Variants in DYM observed in about 807,000 individuals in gnomAD.
DYM encodes dyggve-Melchior-Clausen syndrome protein.
DYM carries 78 observed loss-of-function variants against 93.1 expected under a neutral mutation model. The ratio of observed to expected loss-of-function variants is 0.84; its 90% CI spans 0.70 to 1.01. The LOEUF (loss-of-function observed/expected upper bound fraction) is 1.01. Ranked by LOEUF, DYM falls within the 50% of genes least tolerant of loss-of-function variation. The pLI is 0.00. For synonymous variants in DYM, 321 were observed against 319.7 expected (o/e 1.00, Z -0.04); for missense variants, 789 against 845.0 (o/e 0.93, Z 0.82).
rs1452407748 is a variant in DYM at position 49,041,413 on chromosome 18, C to T, written c.*2642G>A. 6.6e-6 allele frequency: 1 copy of T among 152,212 alleles called. No homozygotes were observed. The highest frequency in any genetic ancestry group is 2.4e-5 in the African/African-American group (1 of 41,456). 9.4% of individuals were successfully genotyped at this position (152,212 alleles called of 1,614,324 possible). ...GATGATCCTGTGTTGCATCATTACA[C>T]ATTTTTACTTCGTGTAAAAATTTCT... On this transcript the variant is annotated 3_prime_UTR_variant, in exon 18 of 18. Transcript: ENST00000675505.
intron 14 of DYM, among the ~76,000 whole-genome samples, chr18:49,184,120 A>G (rs571628608): frequency 3.3e-4 from 51 of 152,330 alleles, no homozygotes; most frequent in African/African-American, 1.1e-3. Context: ...ACTAATATAC[A>G]TAGGGATGTG....
At position 49,344,469 on chromosome 18, in the gene DYM, C is replaced by T. The variant is rs927056809; in HGVS notation, c.495-10616G>A. 4.0e-5 allele frequency among the ~76,000 whole-genome samples: 6 copies of T among 151,850 alleles called. 1 individual carries two copies. Among genetic ancestry groups the T allele is most frequent in the Non-Finnish European group, 5.9e-5 (4 of 67,978 alleles). ...TCACATGTCAACACACCACTTAATA[C>T]GAATAAAAATACAAGATTTAGAGAA... On this transcript the variant is annotated intron_variant, in intron 6 of 17. Coordinates refer to ENST00000675505, the MANE Select transcript of DYM (RefSeq NM_001353214.3).
At chr18:49,288,337 T>G (rs1449800187) in intron 8 of DYM, among the ~76,000 whole-genome samples, 1 of 152,058 alleles carries the variant, frequency 6.6e-6, no homozygotes, top group African/African-American at 2.4e-5. Context: ...CCAATCAAAA[T>G]AGCAACAAAT....
chr18:49,095,077 T>G (rs1418209776), intron 17 of DYM, among the ~76,000 whole-genome samples: 1 of 152,216 alleles, frequency 6.6e-6, no homozygotes, highest in African/African-American at 2.4e-5. Flanking sequence ...TATGAAACTA[T>G]TATTACACAC....
chr18:49,151,141 T>A (rs1158109207), intron 15 of DYM, among the ~76,000 whole-genome samples: 1 of 152,182 alleles, frequency 6.6e-6, no homozygotes, highest in East Asian at 1.9e-4. Flanking sequence ...CATGAATAAA[T>A]TAAGAAACAA....
At chr18:49,349,140 G>A (rs553837949) in intron 6 of DYM, among the ~76,000 whole-genome samples, 13 of 152,182 alleles carry the variant, frequency 8.5e-5, no homozygotes, top group South Asian at 4.1e-4. Context: ...CCTGGGAGGC[G>A]GAGGTTGCAG....
At chr18:49,350,004 A>C (rs770171510) in intron 6 of DYM, among the ~76,000 whole-genome samples, 3 of 152,176 alleles carry the variant, frequency 2.0e-5, no homozygotes, top group Non-Finnish European at 2.9e-5. Flanking sequence ...AACTTACAAA[A>C]AATTTTATAA....
intron 17 of DYM, among the ~76,000 whole-genome samples, chr18:49,093,600 T>C (rs1464501152): frequency 1.3e-5 from 2 of 152,156 alleles, no homozygotes; most frequent in Non-Finnish European, 2.9e-5. Flanking sequence ...CTAACAGTAC[T>C]TTTGAGTTAG....
intron 3 of DYM, among the ~76,000 whole-genome samples, chr18:49,380,004 T>C (rs1375315346): frequency 1.3e-5 from 2 of 152,088 alleles, no homozygotes; most frequent in East Asian, 3.8e-4. Flanking sequence ...CCATCTTATC[T>C]CAGAATCCAA....
At chr18:49,441,299 T>TA (rs2081569833) in intron 1 of DYM, among the ~76,000 whole-genome samples, 1 of 40,872 alleles carries the variant, frequency 2.4e-5, no homozygotes, top group African/African-American at 1.3e-4. Flanking sequence ...TATAATATAA[T>TA]TATATATAAT....
chr18:49,188,841 A>AT (rs967274251), intron 14 of DYM, among the ~76,000 whole-genome samples: 14 of 152,178 alleles, frequency 9.2e-5, no homozygotes, highest in African/African-American at 3.1e-4. Context: ...AAGTATAATA[A>AT]TAAAAAAAAG....
In DYM at chr18:49,363,256, T is replaced by G. The variant is rs993712256; in HGVS notation, c.422-23A>C. 4 of 1,593,842 alleles carry G rather than the reference T, an allele frequency of 2.5e-6. No individual in the cohort carries two copies. In the African/African-American group the frequency reaches 5.4e-5, roughly 21 times the overall value. ...AACCTGGTAAGACACATAAAAAGAT[T>G]TTTTTTTAACAAAGTACACAGTAGA... On this transcript the variant is annotated intron_variant, in intron 5 of 17. Transcript: ENST00000675505.
chr18:49,388,082 T>C (rs904161023), intron 3 of DYM, among the ~76,000 whole-genome samples: 1 of 152,150 alleles, frequency 6.6e-6, no homozygotes, highest in Non-Finnish European at 1.5e-5. Flanking sequence ...CTCACACTTG[T>C]AATCCCAGCA....
intron 11 of DYM, among the ~76,000 whole-genome samples, chr18:49,262,616 CT>C (rs2041539003): frequency 6.6e-6 from 1 of 152,110 alleles, no homozygotes; most frequent in Non-Finnish European, 1.5e-5. Flanking sequence ...AGTACTAGTT[CT>C]TTTTTTAAAA....
intron 14 of DYM, among the ~76,000 whole-genome samples, chr18:49,205,163 T>C (rs1403519214): frequency 3.3e-5 from 5 of 152,300 alleles, no homozygotes; most frequent in Admixed American, 3.3e-4. Context: ...GGTTTCACCA[T>C]GTTGGCCAGG....
chr18:49,222,312 A>G (rs2093393227), intron 13 of DYM, among the ~76,000 whole-genome samples: 1 of 152,140 alleles, frequency 6.6e-6, no homozygotes, highest in Non-Finnish European at 1.5e-5. Context: ...ATATCTTTTC[A>G]GCTTTGTCCA....
intron 17 of DYM, among the ~76,000 whole-genome samples, chr18:49,075,928 C>A (rs1313972741): frequency 1.2e-4 from 19 of 152,230 alleles, no homozygotes; most frequent in African/African-American, 4.3e-4. Flanking sequence ...AAACCCCATA[C>A]ACTTAAAAGC....
intron 2 of DYM, among the ~76,000 whole-genome samples, chr18:49,425,156 A>G (rs889234156): frequency 6.6e-6 from 1 of 152,212 alleles, no homozygotes; most frequent in African/African-American, 2.4e-5. Context: ...CTACAAGGCT[A>G]CAGTAACCAA....
intron 14 of DYM, among the ~76,000 whole-genome samples, chr18:49,170,210 C>T (rs531516619): frequency 3.1e-4 from 47 of 152,182 alleles, no homozygotes; most frequent in African/African-American, 1.0e-3. Context: ...GGAATTGAAC[C>T]AGAGAGAGTA....
Sources: allele counts gnomAD v4.1 joint callset (sites outside exome capture counted in the v4.1 genomes callset), GRCh38; gene constraint gnomAD v4.1.1; transcripts MANE v1.5; gene names NCBI Gene and HGNC (gene_info 2026-07-23, HGNC 2026-07-21).